MAP3K13: variants seen among roughly 807,000 people sequenced by gnomAD.
The protein encoded by MAP3K13 is mitogen-activated protein kinase kinase kinase 13.
Under a neutral mutation model 104.0 loss-of-function variants are expected in MAP3K13, and 52 were observed. The ratio of observed to expected loss-of-function variants is 0.50; its 90% confidence interval spans 0.40 to 0.63. The LOEUF (loss-of-function observed/expected upper bound fraction) is 0.63. MAP3K13 is among the 20% of genes least tolerant of loss of function. The pLI, the probability that MAP3K13 is intolerant of heterozygous loss-of-function variation, is 0.00. For synonymous variants in MAP3K13, 394 were observed against 442.2 expected (o/e 0.89, Z 1.37); for missense variants, 914 against 1,218.5 (o/e 0.75, Z 3.72).
At chr3:185,424,025 G>T (rs1426615315) in intron 1 of MAP3K13, among the ~76,000 whole-genome samples, 1 of 152,144 alleles carries the variant, frequency 6.6e-6, no homozygotes, top group Non-Finnish European at 1.5e-5. Context: ...CTTGTCATGG[G>T]GGATGATGGC....
At chr3:185,349,348 A>G (rs933811848) in intron 2 of MAP3K13, among the ~76,000 whole-genome samples, 1 of 152,102 alleles carries the variant, frequency 6.6e-6, no homozygotes, top group Non-Finnish European at 1.5e-5. Flanking sequence ...GCTCTCACGT[A>G]TAAGTGAAAA....
At chr3:185,427,757 C>T (rs891497935) in intron 1 of MAP3K13, among the ~76,000 whole-genome samples, 6 of 152,068 alleles carry the variant, frequency 3.9e-5, no homozygotes, top group Admixed American at 2.0e-4. Flanking sequence ...CTAAATTTCC[C>T]TTGTAGAAAG....
chr3:185,423,050 T>G lies in MAP3K13; in HGVS notation c.-85-5447T>G, dbSNP rs1475959878. On this transcript the variant is annotated intron_variant, in intron 1 of 13. Coordinates refer to ENST00000265026, the MANE Select transcript of MAP3K13 (RefSeq NM_004721.5). This position sits in a 1 kb window ranked among gnomAD's most constrained non-coding sequence, Gnocchi z 4.1. The stretch of plus-strand genomic sequence containing the variant: ...TTTATGAGAATCTAATGACTAATGA[T>G]CTGTCACTGTCCCCCATCACCCCCA... Among the ~76,000 whole-genome samples the G allele has an allele frequency of 1.3e-5, 2 of 152,202 alleles. No individual in the cohort carries two copies. The highest frequency in any genetic ancestry group is 4.8e-5 in the African/African-American group (2 of 41,446).
chr3:185,356,696 A>G (rs1173055744), intron 2 of MAP3K13, among the ~76,000 whole-genome samples: 1 of 152,144 alleles, frequency 6.6e-6, no homozygotes, highest in Non-Finnish European at 1.5e-5. Flanking sequence ...GGATGTGTCT[A>G]TCCTTTCACT....
At chr3:185,308,670 C>A (rs981117800) in intron 2 of MAP3K13, among the ~76,000 whole-genome samples, 1 of 152,150 alleles carries the variant, frequency 6.6e-6, no homozygotes, top group Non-Finnish European at 1.5e-5. Flanking sequence ...TGTCAGTGTT[C>A]CACATCAAGC....
chr3:185,351,150 G>A (rs1400903868), intron 2 of MAP3K13, among the ~76,000 whole-genome samples: 1 of 152,188 alleles, frequency 6.6e-6, no homozygotes, highest in African/African-American at 2.4e-5. Flanking sequence ...ATAAGTGGGA[G>A]CTAAACATTG....
intron 12 of MAP3K13, 91 bp downstream of exon 12, chr3:185,477,487 T>G (rs1240499982): frequency 3.0e-5 from 27 of 909,550 alleles, no homozygotes; most frequent in Non-Finnish European, 4.5e-5. Context: ...CACAGGTGAT[T>G]CCCTGGCAGC....
intron 1 of MAP3K13, among the ~76,000 whole-genome samples, chr3:185,375,309 T>G (rs1202284531): frequency 6.6e-6 from 1 of 151,994 alleles, no homozygotes; most frequent in Non-Finnish European, 1.5e-5. Context: ...CAGTCCTGGG[T>G]GGGCAAATCC....
rs375658483 is a variant in MAP3K13 at position 185,455,716 on chromosome 3, G to GATATATATATGAGATATATATGAGAT, written c.1278+4329_1278+4330insATGAGATATATATGAGATATATATAT. Reference sequence around the variant, plus strand: ...TGATATATATATGAGATATATATGAGATATATATGATATATATATGAGATA... The same window carrying GATATATATATGAGATATATATGAGAT: ...TGATATATATATGAGATATATATGAGATATATATATGAGATATATATGAGATATATATATGATATATATATGAGATA... On this transcript the variant is annotated intron_variant, in intron 7 of 13. Coordinates refer to ENST00000265026, the MANE Select transcript of MAP3K13 (RefSeq NM_004721.5). 2.8e-4 allele frequency among the ~76,000 whole-genome samples: 3 copies of GATATATATATGAGATATATATGAGAT among 10,888 alleles called. 1 individual carries two copies. Among genetic ancestry groups the GATATATATATGAGATATATATGAGAT allele is most frequent in the Non-Finnish European group, 7.8e-4 (3 of 3,860 alleles). The allele number at this position is 10,888 out of a possible 152,430, so 7.1% of individuals were successfully genotyped here. A position where few individuals can be genotyped will look rare whatever the true frequency, so the allele number is the denominator to read the frequency against.
At chr3:185,405,996 T>G (rs1000038867) in intron 1 of MAP3K13, among the ~76,000 whole-genome samples, 2 of 152,238 alleles carry the variant, frequency 1.3e-5, no homozygotes, top group Non-Finnish European at 2.9e-5. Flanking sequence ...AGAAATAGTT[T>G]TGACTTTTAG....
At chr3:185,377,529 T>C (rs1245560254) in intron 1 of MAP3K13, among the ~76,000 whole-genome samples, 2 of 152,106 alleles carry the variant, frequency 1.3e-5, no homozygotes, top group Non-Finnish European at 2.9e-5. Flanking sequence ...ATAAGGGAGC[T>C]GGGCAGGTGG....
Position 185,451,401 on chromosome 3 carries a change from T to C in MAP3K13, c.1278+6T>C. On this transcript the variant is annotated splice_donor_region_variant and intron_variant, in intron 7 of 13. Coordinates refer to ENST00000265026, the MANE Select transcript of MAP3K13 (RefSeq NM_004721.5). Reference sequence around the variant, plus strand: ...AAACTTACTTCAAGTCTCAGGTAAGTTGGGAAACTTCCTACCAGGTGCTAC... The same window carrying C: ...AAACTTACTTCAAGTCTCAGGTAAGCTGGGAAACTTCCTACCAGGTGCTAC... 7 of 1,598,900 alleles carry C rather than the reference T, an allele frequency of 4.4e-6. No individual in the cohort carries two copies. The highest frequency in any genetic ancestry group is 6.0e-6 in the Non-Finnish European group (7 of 1,166,168).
At chr3:185,437,685 T>C in intron 3 of MAP3K13, 55 bp downstream of exon 3, 2 of 1,480,730 alleles carry the variant, frequency 1.4e-6, no homozygotes, top group Non-Finnish European at 1.8e-6. Flanking sequence ...TCCCCCAATA[T>C]ATACACACAA....
At position 185,444,065 on chromosome 3, in the gene MAP3K13, T is replaced by A. The variant is rs1715466296; in HGVS notation, c.851+429T>A. 2.0e-5 allele frequency among the ~76,000 whole-genome samples: 3 copies of A among 152,216 alleles called. No individual in the cohort carries two copies. In the South Asian group the frequency reaches 6.2e-4, roughly 32 times the overall value. On this transcript the variant is annotated intron_variant, in intron 4 of 13. Transcript: ENST00000265026. ...TAAGAAACAGGCTAGCTGGGTGGAG[T>A]GGCTCACGCCTGTAATCCTAGAACT... is the stretch of plus-strand genomic sequence containing the variant.
chr3:185,392,155 T>G (rs1712094608), intron 1 of MAP3K13, among the ~76,000 whole-genome samples: 1 of 152,226 alleles, frequency 6.6e-6, no homozygotes, highest in Non-Finnish European at 1.5e-5. Context: ...TATTGGATTA[T>G]GGCCTAATGA....
intron 10 of MAP3K13, 62 bp from the exon 11 acceptor site, chr3:185,472,913 C>A (rs1016951198): frequency 1.4e-6 from 2 of 1,464,802 alleles, no homozygotes; most frequent in Admixed American, 3.7e-5. Context: ...TCTTAGGATA[C>A]ATTTCCCCAA....
At chr3:185,352,230 A>G (rs1042480418) in intron 2 of MAP3K13, among the ~76,000 whole-genome samples, 1 of 152,172 alleles carries the variant, frequency 6.6e-6, no homozygotes, top group Non-Finnish European at 1.5e-5. Context: ...AGATCACCTG[A>G]GGTTGGGAGT....
chr3:185,437,620 A>G lies in MAP3K13; in HGVS notation c.649A>G (p.Ile217Val), dbSNP rs1395925863. ...GAGGAAGTTGAAGCACCCTAACATC[A>G]TCGCATTCAAGTAGGTCAAGGCTTT... is the stretch of plus-strand genomic sequence containing the variant. ...HLRKLKHPNI[I>V]AFKGVCTQAP... is the part of the protein sequence containing the mutation. The change falls in exon 3 of 14, where the codon ATC becomes GTC. Residue 217 changes from isoleucine (I) to valine (V), a missense_variant. Around this residue, in one of 3 missense-constraint regions of MAP3K13, gnomAD observed 175 missense variants for 321.3 expected, o/e 0.54. Transcript: ENST00000265026. 3 of 1,597,202 alleles carry G rather than the reference A, an allele frequency of 1.9e-6. No homozygotes were observed.
At chr3:185,296,459 G>A (rs1262127551) in intron 2 of MAP3K13, among the ~76,000 whole-genome samples, 2 of 152,174 alleles carry the variant, frequency 1.3e-5, no homozygotes, top group African/African-American at 4.8e-5. Context: ...TATTCCCTGT[G>A]CCTGGAATAC....
Sources: allele counts gnomAD v4.1 joint callset (sites outside exome capture counted in the v4.1 genomes callset), GRCh38; gene constraint gnomAD v4.1.1; regional missense constraint gnomAD v4.1.1; non-coding constraint Gnocchi (gnomAD v3.1); transcripts MANE v1.5; gene names NCBI Gene and HGNC (gene_info 2026-07-23, HGNC 2026-07-21).